The following CC2D1A variants were observed in gnomAD, a reference collection of about 807,000 sequenced individuals.
CC2D1A encodes coiled-coil and C2 domain-containing protein 1A.
Under a neutral mutation model 123.8 loss-of-function variants are expected in CC2D1A, and 68 were observed. The observed-to-expected ratio is 0.55, with a 90% CI of 0.45 to 0.67. The LOEUF (loss-of-function observed/expected upper bound fraction) is 0.67. Ranked by LOEUF, CC2D1A falls within the 30% of genes least tolerant of loss-of-function variation. CC2D1A has a pLI of 0.00. For missense variants in CC2D1A, 1,185 were observed against 1,290.3 expected, an observed-to-expected ratio of 0.92 and a Z score of 1.25; for synonymous variants, 477 against 528.0, an observed-to-expected ratio of 0.90 and a Z score of 1.32.
chr19:13,918,979 C>T lies in CC2D1A; in HGVS notation c.1086C>T (p.Ala362=), dbSNP rs760924270. The part of the protein sequence containing the change: ...LEQRMERYQV[A]AAQAKSKGDQ... ...AGCGGATGGAGCGGTACCAGGTGGC[C>T]GCAGCCCAGGCCAAGAGCAAGGGGG... The change falls in exon 10 of 29, where the codon GCC becomes GCT. Residue 362 remains alanine (A), a synonymous_variant. Transcript: ENST00000318003. The T allele has an allele frequency of 6.2e-6, 10 of 1,609,378 alleles. No individual in the cohort carries two copies. The highest frequency in any genetic ancestry group is 1.1e-5 in the South Asian group (1 of 90,574).
intron 2 of CC2D1A, 151 bp from the exon 3 acceptor site, chr19:13,912,172 C>T (rs1363722107): frequency 2.7e-5 from 23 of 853,424 alleles, no homozygotes; most frequent in Non-Finnish European, 3.5e-5. Flanking sequence ...GTTTTGAATT[C>T]AGGTAGCCAG....
At chr19:13,913,694 A>T in intron 6 of CC2D1A, 56 bp downstream of exon 6, 9 of 1,357,366 alleles carry the variant, frequency 6.6e-6, no homozygotes, top group Non-Finnish European at 8.0e-6. Flanking sequence ...ATCTGGCAGG[A>T]TGCTGCTCTA....
chr19:13,919,968 C>G lies in CC2D1A; in HGVS notation c.1356+17C>G. 1 of 1,605,218 alleles carries G rather than the reference C, an allele frequency of 6.2e-7. No homozygotes were observed. Among genetic ancestry groups the G allele is most frequent in the South Asian group, 1.1e-5 (1 of 90,408 alleles). ...CCTAAGAAGGTTTGAGGGTTGGGGC[C>G]GGGCGCAGTGGCTCACACCTGTAGT... On this transcript the variant is annotated intron_variant, in intron 12 of 28. Transcript: ENST00000318003.
Position 13,925,933 on chromosome 19 carries a change from A to AATAT in CC2D1A, c.1941-560_1941-557dup, listed in dbSNP as rs1210738190. On this transcript the variant is annotated intron_variant, in intron 17 of 28. Coordinates refer to ENST00000318003, the MANE Select transcript of CC2D1A (RefSeq NM_017721.5). ...AGACTCTGTCTAAAAAAAAAAAAAA[A>AATAT]ATATATATATATATATATATATATA... is the stretch of plus-strand genomic sequence containing the variant. Among the ~76,000 whole-genome samples the AATAT allele has an allele frequency of 1.6e-3, 148 of 91,014 alleles. 1 individual carries two copies. Among genetic ancestry groups the AATAT allele is most frequent in the East Asian group, 0.01 (34 of 3,380 alleles). The allele number at this position is 91,014 out of a possible 152,430, so 59.7% of individuals were successfully genotyped here. A position where few individuals can be genotyped will look rare whatever the true frequency, so the allele number is the denominator to read the frequency against.
chr19:13,918,117 G>A lies in CC2D1A; in HGVS notation c.796G>A (p.Asp266Asn), dbSNP rs377442901. 9 of 1,612,238 alleles carry A rather than the reference G, an allele frequency of 5.6e-6. No individual in the cohort carries two copies. The African/African-American group carries it at 8.0e-5, about 14-fold the overall frequency. ...GGCCCAGTTGCAGAGCCGCCAGCGC[G>A]ACTACAAGCTGGCTGCCCTCCACGC... ...PLAQLQSRQRDYKLAALHAKQ... is the reference protein window; with the variant it reads ...PLAQLQSRQRNYKLAALHAKQ... Residue 266 changes from aspartate (D) to asparagine (N), a missense_variant, in exon 7 of 29, where the codon GAC becomes AAC. Asp to Asn is a conservative substitution (Grantham distance 23). Transcript: ENST00000318003.
At chr19:13,917,381 G>A (rs536349227) in intron 6 of CC2D1A, among the ~76,000 whole-genome samples, 1 of 152,290 alleles carries the variant, frequency 6.6e-6, no homozygotes, top group Non-Finnish European at 1.5e-5. Flanking sequence ...GCTGAGATGG[G>A]AGGATCGCCT....
In CC2D1A at chr19:13,918,184, G is replaced by A. The variant is rs748515137; in HGVS notation, c.863G>A (p.Arg288His). 3.1e-6 allele frequency: 5 copies of A among 1,592,378 alleles called. No individual in the cohort carries two copies. The Admixed American group carries it at 5.4e-5, about 17-fold the overall frequency. Residue 288 changes from arginine to histidine, a missense_variant, in exon 7 of 29, where the codon CGC becomes CAC. Physicochemically the swap from Arg to His is conservative, Grantham distance 29. Transcript: ENST00000318003. ...ACCACTGCTGCCGCTAGACACTTCC[G>A]CGTGGCTAAGGTGCGTCCAGCCTGA... Reference protein sequence around the residue: ...GDTTAAARHFRVAKSFDAVLE... With the variant: ...GDTTAAARHFHVAKSFDAVLE...
chr19:13,907,033 G>T (rs1311590265), intron 1 of CC2D1A, among the ~76,000 whole-genome samples: 1 of 152,132 alleles, frequency 6.6e-6, no homozygotes, highest in Non-Finnish European at 1.5e-5. Flanking sequence ...GACATAGCTT[G>T]GTGTTCAGAT....
chr19:13,924,903 T>C (rs2145356108), intron 17 of CC2D1A, among the ~76,000 whole-genome samples: 1 of 152,280 alleles, frequency 6.6e-6, no homozygotes, highest in African/African-American at 2.4e-5. Flanking sequence ...CTCTGCCTCC[T>C]GTCCCCGCTT....
intron 2 of CC2D1A, among the ~76,000 whole-genome samples, chr19:13,911,861 G>A (rs1219103696): frequency 2.0e-5 from 3 of 151,998 alleles, no homozygotes; most frequent in African/African-American, 4.8e-5. Context: ...GACCACAGGC[G>A]CCCGCCAGCA....
intron 7 of CC2D1A, 147 bp from the exon 8 acceptor site, chr19:13,918,357 G>T (rs184862450): frequency 9.2e-7 from 1 of 1,082,678 alleles, no homozygotes; most frequent in Non-Finnish European, 1.3e-6. Context: ...AAATGGGCAC[G>T]TGTGTTGGAA....
intron 24 of CC2D1A, among the ~76,000 whole-genome samples, chr19:13,928,948 A>T (rs1184197350): frequency 6.8e-6 from 1 of 147,844 alleles, no homozygotes; most frequent in African/African-American, 2.5e-5. Context: ...ACCTCAGGTG[A>T]TCTGCCTGCC....
intron 14 of CC2D1A, among the ~76,000 whole-genome samples, chr19:13,921,258 T>A (rs7255499): frequency 0.036 from 5,469 of 152,282 alleles, 319 homozygotes; most frequent in African/African-American, 0.12. Flanking sequence ...TAGTCCCTTT[T>A]AAAGGAAGTG....
chr19:13,912,323 G>A lies in CC2D1A; in HGVS notation c.197G>A (p.Gly66Asp). 6.3e-7 allele frequency: 1 copy of A among 1,596,936 alleles called. No individual in the cohort carries two copies. Among genetic ancestry groups the A allele is most frequent in the Non-Finnish European group, 8.5e-7 (1 of 1,172,108 alleles). ...ACCTGGGGCATCCCCCTACCGCCAG[G>A]TCCCTTGCCGATGGAGGCCATTGAG... Reference protein sequence around the residue: ...PPALEKLKGKGPLPMEAIEKM... With the variant: ...PPALEKLKGKDPLPMEAIEKM... Residue 66 changes from glycine to aspartate, a missense_variant and splice_region_variant, in exon 3 of 29, where the codon GGT becomes GAT. Physicochemically the swap from Gly to Asp is moderately conservative, Grantham distance 94. Transcript: ENST00000318003.
At chr19:13,911,026 C>A (rs942900108) in intron 2 of CC2D1A, among the ~76,000 whole-genome samples, 1 of 152,042 alleles carries the variant, frequency 6.6e-6, no homozygotes, top group East Asian at 1.9e-4. Context: ...CAAACAGAAA[C>A]ACACATAGAG....
chr19:13,916,668 A>G (rs1041365028), intron 6 of CC2D1A, among the ~76,000 whole-genome samples: 5 of 152,222 alleles, frequency 3.3e-5, no homozygotes, highest in African/African-American at 1.2e-4. Flanking sequence ...TGTTTTTAAC[A>G]ATGAAAGATT....
chr19:13,927,812 G>A (rs962330426), intron 22 of CC2D1A, 81 bp from the exon 23 acceptor site: 12 of 1,351,198 alleles, frequency 8.9e-6, no homozygotes, highest in Non-Finnish European at 1.2e-5. Context: ...AAAAAAACCA[G>A]TCTTGTTCTC....
rs541391569 is a variant in CC2D1A at position 13,930,552 on chromosome 19, G to A, written c.*157G>A. 7.1e-5 allele frequency: 58 copies of A among 819,180 alleles called. No homozygotes were observed. Among genetic ancestry groups the A allele is most frequent in the Admixed American group, 1.2e-4 (4 of 34,430 alleles). 50.7% of individuals were successfully genotyped at this position (819,180 alleles called of 1,614,324 possible). A position where few individuals can be genotyped will look rare whatever the true frequency, so the allele number is the denominator to read the frequency against. ...CCCCCAGCCCCGCCAGAGCCTCCGT[G>A]GCTGCGGGTGTTGGGAACCATGCCT... is the stretch of plus-strand genomic sequence containing the variant. On this transcript the variant is annotated 3_prime_UTR_variant, in exon 29 of 29. Transcript: ENST00000318003. This position sits in a 1 kb window ranked among gnomAD's most constrained non-coding sequence, Gnocchi z 6.8.
chr19:13,917,203 C>G (rs1971235795), intron 6 of CC2D1A, among the ~76,000 whole-genome samples: 1 of 152,098 alleles, frequency 6.6e-6, no homozygotes, highest in Admixed American at 6.6e-5. Context: ...GGCATGGTGG[C>G]ACATGCCTGT....
Sources: allele counts gnomAD v4.1 joint callset (sites outside exome capture counted in the v4.1 genomes callset), GRCh38; gene constraint gnomAD v4.1.1; non-coding constraint Gnocchi (gnomAD v3.1); transcripts MANE v1.5; gene names NCBI Gene and HGNC (gene_info 2026-07-23, HGNC 2026-07-21).